Variants in SIM1 observed in about 807,000 individuals in gnomAD.
SIM1 encodes the protein SIM bHLH transcription factor 1.
A neutral mutation model predicts 78.2 loss-of-function variants in SIM1; 18 were observed. The ratio of observed to expected loss-of-function variants is 0.23; its 90% CI spans 0.16 to 0.34. The LOEUF is 0.34. Ranked by LOEUF, SIM1 falls within the 10% of genes least tolerant of loss-of-function variation. The pLI is 1.00. For synonymous variants in SIM1, 417 were observed against 385.2 expected, an observed-to-expected ratio of 1.08 and a Z score of -0.97; for missense variants, 939 against 975.1, an observed-to-expected ratio of 0.96 and a Z score of 0.49.
chr6:100,453,629 G>C, intron 3 of SIM1, 133 bp downstream of exon 3: 1 of 705,340 alleles, frequency 1.4e-6, no homozygotes, highest in Non-Finnish European at 2.3e-6. Context: ...CGTGCAGTCC[G>C]GATCCCTGTT....
chr6:100,407,870 T>A (rs1410032808), intron 10 of SIM1, among the ~76,000 whole-genome samples: 7 of 152,136 alleles, frequency 4.6e-5, no homozygotes, highest in South Asian at 4.1e-4. Context: ...GTTCCTTATA[T>A]GTTTGTGATA....
chr6:100,393,915 C>T, intron 10 of SIM1, 26 bp from the exon 11 acceptor site: 4 of 1,513,904 alleles, frequency 2.6e-6, no homozygotes, highest in South Asian at 2.7e-5. Context: ...GGAGAAAAGT[C>T]CATTTCAAAA....
In SIM1 at chr6:100,386,772, A is replaced by G. The variant is rs1770521875; in HGVS notation, c.*3589T>C. 1 of 152,034 alleles carries G rather than the reference A, an allele frequency of 6.6e-6. No individual in the cohort carries two copies. The highest frequency in any genetic ancestry group is 2.1e-4 in the South Asian group (1 of 4,830). 9.4% of individuals were successfully genotyped at this position (152,034 alleles called of 1,614,324 possible). ...GAGCAAGTGGTTTTTCTGTGTAAAT[A>G]CTGAAGGCAATCATTTATTGCATCC... On this transcript the variant is annotated 3_prime_UTR_variant, in exon 12 of 12. Transcript: ENST00000369208.
chr6:100,404,586 T>A (rs1771007365), intron 10 of SIM1, among the ~76,000 whole-genome samples: 1 of 152,150 alleles, frequency 6.6e-6, no homozygotes, highest in South Asian at 2.1e-4. Flanking sequence ...TAAAATATGT[T>A]CTTTTTTTTC....
At chr6:100,450,387 G>C (rs1297962416) in intron 3 of SIM1, 31 bp from the exon 4 acceptor site, 5 of 1,582,722 alleles carry the variant, frequency 3.2e-6, no homozygotes, top group Admixed American at 1.7e-5. Flanking sequence ...AGAATAGAGA[G>C]CCCTCTGGGC....
In SIM1 at chr6:100,393,507, G is replaced by A; in HGVS notation, c.1550C>T (p.Ala517Val). 1 of 1,548,418 alleles carries A rather than the reference G, an allele frequency of 6.5e-7. No individual in the cohort carries two copies. Among genetic ancestry groups the A allele is most frequent in the Non-Finnish European group, 8.7e-7 (1 of 1,143,822 alleles). ...EAYENSMPHI[A>V]SVHRIHGRGH... ...CTTACCATGGATCCTGTGGACTGAA[G>A]CGATGTGAGGCATGCTGTTTTCATA... The change falls in exon 11 of 12, where the codon GCT (alanine) becomes GTT (valine). Residue 517 changes from alanine (A) to valine (V), a missense_variant. By Grantham distance (64) the Ala-to-Val change is moderately conservative. Around this residue, in one of 5 missense-constraint regions of SIM1, gnomAD observed 556 missense variants for 521.9 expected, o/e 1.07. Coordinates refer to ENST00000369208, the MANE Select transcript of SIM1 (RefSeq NM_005068.3).
rs34200354 is a variant in SIM1, at chr6:100,409,108, C to CT, written c.1167+11681dup. Among the ~76,000 whole-genome samples, 17 of 151,224 alleles carry CT rather than the reference C, an allele frequency of 1.1e-4. No homozygotes were observed. In the East Asian group the frequency reaches 1.2e-3, roughly 10 times the overall value. On this transcript the variant is annotated intron_variant, in intron 10 of 11. Transcript: ENST00000369208. Reference sequence around the variant, plus strand: ...CACATTATTGATGTGTTCAGATTTTCTTTTTTTTTACATACTTTAAGTTTT... The same window carrying CT: ...CACATTATTGATGTGTTCAGATTTTCTTTTTTTTTTACATACTTTAAGTTTT...
chr6:100,424,764 A>C (rs1771682144), intron 9 of SIM1, among the ~76,000 whole-genome samples: 1 of 152,126 alleles, frequency 6.6e-6, no homozygotes, highest in Admixed American at 6.6e-5. Flanking sequence ...AGTTTAGATG[A>C]AATATTCTGT....
intron 2 of SIM1, among the ~76,000 whole-genome samples, chr6:100,456,869 T>TG (rs1321842629): frequency 5.9e-5 from 9 of 152,204 alleles, no homozygotes; most frequent in Non-Finnish European, 1.3e-4. Context: ...ATTACCTCAA[T>TG]GGACTGACTG....
chr6:100,423,387 G>A (rs541047768), intron 9 of SIM1, among the ~76,000 whole-genome samples: 5 of 152,160 alleles, frequency 3.3e-5, no homozygotes, highest in African/African-American at 1.2e-4. Context: ...TTCTGTATGG[G>A]GCCCTGTTCT....
intron 2 of SIM1, 85 bp from the exon 3 acceptor site, chr6:100,453,929 G>T: frequency 1.0e-6 from 1 of 971,014 alleles, no homozygotes; most frequent in East Asian, 2.7e-5. Flanking sequence ...TGTATTACCC[G>T]AGTGCCGGCC....
At chr6:100,427,084 C>G (rs999198024) in intron 9 of SIM1, 4 of 152,238 alleles carry the variant, frequency 2.6e-5, no homozygotes, top group African/African-American at 9.6e-5. Flanking sequence ...GTCACTGTTA[C>G]ACGAAGTGTA....
At position 100,389,798 on chromosome 6, in the gene SIM1, G is replaced by T. The variant is rs1770590568; in HGVS notation, c.*563C>A. Reference sequence around the variant, plus strand: ...AGAACCATTTCTCTAATTTATGCCTGAACCAAATGAGCTGGCTGATTTGAA... The same window carrying T: ...AGAACCATTTCTCTAATTTATGCCTTAACCAAATGAGCTGGCTGATTTGAA... On this transcript the variant is annotated 3_prime_UTR_variant, in exon 12 of 12. Coordinates refer to ENST00000369208, the MANE Select transcript of SIM1 (RefSeq NM_005068.3). 3 of 398,992 alleles carry T rather than the reference G, an allele frequency of 7.5e-6. No homozygotes were observed. Among genetic ancestry groups the T allele is most frequent in the South Asian group, 1.3e-4 (1 of 7,674 alleles). The allele number at this position is 398,992 out of a possible 1,614,324, so 24.7% of individuals were successfully genotyped here. A position where few individuals can be genotyped will look rare whatever the true frequency, so the allele number is the denominator to read the frequency against.
intron 3 of SIM1, among the ~76,000 whole-genome samples, chr6:100,453,022 T>C (rs1347620247): frequency 1.3e-5 from 2 of 152,132 alleles, no homozygotes; most frequent in Admixed American, 6.5e-5. Flanking sequence ...ATAATAATAA[T>C]GATGATGTTG....
chr6:100,448,426 AAGCAGGGCCGCCCTC>A, intron 7 of SIM1, 38 bp downstream of exon 7: 1 of 1,567,036 alleles, frequency 6.4e-7, no homozygotes. Context: ...CTCAGTCACT[AAGCAGGGCCGCCCTC>A]AGGCTAGGAG....
intron 10 of SIM1, among the ~76,000 whole-genome samples, chr6:100,399,692 G>A (rs997468376): frequency 1.3e-5 from 2 of 151,890 alleles, no homozygotes; most frequent in African/African-American, 4.8e-5. Context: ...GACAAATCAA[G>A]AAAACACATT....
At chr6:100,449,489 C>A in intron 5 of SIM1, 41 bp from the exon 6 acceptor site, 1 of 1,594,154 alleles carries the variant, frequency 6.3e-7, no homozygotes, top group Non-Finnish European at 8.6e-7. Context: ...TCGTGTGACA[C>A]CGGCGGCGTG....
In SIM1 at chr6:100,389,746, G is replaced by A. The variant is rs1469315854; in HGVS notation, c.*615C>T. On this transcript the variant is annotated 3_prime_UTR_variant, in exon 12 of 12. Transcript: ENST00000369208. ...CCTGATTGTTTATAATGGATACCAG[G>A]TGAAAACTCATTTTTGCACCATATC... is the stretch of plus-strand genomic sequence containing the variant. 1 of 398,936 alleles carries A rather than the reference G, an allele frequency of 2.5e-6. No homozygotes were observed. The highest frequency in any genetic ancestry group is 4.4e-6 in the Non-Finnish European group (1 of 226,146). 24.7% of individuals were successfully genotyped at this position (398,936 alleles called of 1,614,324 possible). A position where few individuals can be genotyped will look rare whatever the true frequency, so the allele number is the denominator to read the frequency against.
chr6:100,385,532 G>C lies in SIM1; in HGVS notation c.*4829C>G. 1 of 151,846 alleles carries C rather than the reference G, an allele frequency of 6.6e-6. No individual in the cohort carries two copies. The highest frequency in any genetic ancestry group is 1.9e-4 in the East Asian group (1 of 5,176). The allele number at this position is 151,846 out of a possible 1,614,324, so 9.4% of individuals were successfully genotyped here. Reference sequence around the variant, plus strand: ...ACATGTGTCCCAGGTCAGCAAATTAGGGCAAATTAACCCCAACCCCATATA... The same window carrying C: ...ACATGTGTCCCAGGTCAGCAAATTACGGCAAATTAACCCCAACCCCATATA... On this transcript the variant is annotated 3_prime_UTR_variant, in exon 12 of 12. Transcript: ENST00000369208.
Sources: allele counts gnomAD v4.1 joint callset (sites outside exome capture counted in the v4.1 genomes callset), GRCh38; gene constraint gnomAD v4.1.1; regional missense constraint gnomAD v4.1.1; transcripts MANE v1.5; gene names NCBI Gene and HGNC (gene_info 2026-07-23, HGNC 2026-07-21).